Variants in KLRG1 observed in about 807,000 individuals in gnomAD.
KLRG1 encodes the protein killer cell lectin-like receptor subfamily G member 1.
KLRG1 carries 16 observed loss-of-function variants against 21.8 expected under a neutral mutation model. The ratio of observed to expected loss-of-function variants is 0.73; its 90% CI spans 0.50 to 1.11. The LOEUF is 1.11. KLRG1 is among the 50% of genes most tolerant of loss of function. The pLI is 0.00. For missense variants in KLRG1, 173 were observed against 218.3 expected (o/e 0.79, Z 1.31); for synonymous variants, 69 against 75.9 (o/e 0.91, Z 0.47).
chr12:9,005,554 C>T (rs1947447024), intron 3 of KLRG1, among the ~76,000 whole-genome samples: 1 of 152,092 alleles, frequency 6.6e-6, no homozygotes, highest in African/African-American at 2.4e-5. Context: ...GACCTCAGAA[C>T]AGACGATACA....
At chr12:9,099,017 G>A in the KLRG1 span, among the ~76,000 whole-genome samples, 4,705 of 151,988 alleles carry the variant, frequency 0.031, 115 homozygotes, top group Non-Finnish European at 0.049. Context: ...TTTGATACAC[G>A]GCAAGGTGCT....
chr12:9,017,032 A>G, the KLRG1 span, among the ~76,000 whole-genome samples: 1 of 152,084 alleles, frequency 6.6e-6, no homozygotes, highest in Non-Finnish European at 1.5e-5. Flanking sequence ...CAGGGAGGCC[A>G]AGGCGGGCAG....
At chr12:9,098,591 G>T in the KLRG1 span, 3 of 1,584,614 alleles carry the variant, frequency 1.9e-6, no homozygotes, top group Non-Finnish European at 2.6e-6. Flanking sequence ...GATTCCTGAG[G>T]CTGCCAGGAA....
chr12:9,093,641 T>G, the KLRG1 span: 2 of 807,554 alleles, frequency 2.5e-6, no homozygotes, highest in Non-Finnish European at 3.5e-6. Flanking sequence ...TGAGAGAATG[T>G]AATAGTTGCC....
At chr12:9,093,287 T>C in the KLRG1 span, among the ~76,000 whole-genome samples, 1 of 152,188 alleles carries the variant, frequency 6.6e-6, no homozygotes, top group Non-Finnish European at 1.5e-5. Flanking sequence ...CTAATGGATG[T>C]GTTAATTTGC....
At chr12:9,059,979 C>T in the KLRG1 span, among the ~76,000 whole-genome samples, 1 of 151,058 alleles carries the variant, frequency 6.6e-6, no homozygotes, top group Admixed American at 6.6e-5. Flanking sequence ...GCCACTGTGC[C>T]CAGCCAGCCC....
intron 1 of KLRG1, among the ~76,000 whole-genome samples, chr12:8,982,756 C>T (rs529773666): frequency 9.9e-5 from 15 of 151,846 alleles, no homozygotes; most frequent in Non-Finnish European, 2.1e-4. Context: ...AGCAATTCTC[C>T]TGCCTCAGCC....
the KLRG1 span, chr12:9,152,816 C>A: frequency 6.2e-7 from 1 of 1,613,714 alleles, no homozygotes; most frequent in Non-Finnish European, 8.5e-7. Context: ...TAGGTTAGAA[C>A]GTCTTACCTG....
the KLRG1 span, chr12:9,149,487 G>T: frequency 2.8e-6 from 4 of 1,415,306 alleles, no homozygotes; most frequent in Non-Finnish European, 3.9e-6. Flanking sequence ...GCCTTGTAGA[G>T]AATTTAAATT....
At chr12:9,099,371 A>C in the KLRG1 span, 1 of 1,552,676 alleles carries the variant, frequency 6.4e-7, no homozygotes, top group African/African-American at 1.4e-5. Context: ...TTATGATCTA[A>C]AACACACACC....
chr12:8,984,745 A>G (rs1018360613), upstream of KLRG1, among the ~76,000 whole-genome samples: 8 of 152,188 alleles, frequency 5.3e-5, no homozygotes, highest in Admixed American at 2.6e-4. Context: ...TCTATGTTAC[A>G]TAAGTTTCTT....
At chr12:9,007,076 G>C (rs1167635035) in intron 3 of KLRG1, among the ~76,000 whole-genome samples, 1 of 152,168 alleles carries the variant, frequency 6.6e-6, no homozygotes, top group Non-Finnish European at 1.5e-5. Flanking sequence ...TGATAAACAA[G>C]TTGTACTGAT....
At chr12:9,090,866 G>A in the KLRG1 span, among the ~76,000 whole-genome samples, 1 of 152,068 alleles carries the variant, frequency 6.6e-6, no homozygotes, top group African/African-American at 2.4e-5. Context: ...TTTAAAATTA[G>A]GTTTAATATA....
chr12:9,160,228 G>C, the KLRG1 span: 1 of 1,272,646 alleles, frequency 7.9e-7, no homozygotes, highest in South Asian at 1.4e-5. Flanking sequence ...TTATCATCAT[G>C]GGTTAATATT....
chr12:9,121,264 G>A, the KLRG1 span, among the ~76,000 whole-genome samples: 6 of 152,064 alleles, frequency 3.9e-5, no homozygotes, highest in African/African-American at 1.4e-4. This position sits in a 1 kb window ranked among gnomAD's most constrained non-coding sequence, Gnocchi z 4.4. Context: ...ATTCTAATAT[G>A]CCTCCATCAT....
the KLRG1 span, among the ~76,000 whole-genome samples, chr12:9,168,168 C>A: frequency 6.6e-6 from 1 of 152,108 alleles, no homozygotes; most frequent in Non-Finnish European, 1.5e-5. Flanking sequence ...CTTGAAGAGC[C>A]ATTAGTCAAA....
At chr12:8,955,900 G>A (rs141088945) in intron 1 of KLRG1, among the ~76,000 whole-genome samples, 39 of 152,110 alleles carry the variant, frequency 2.6e-4, no homozygotes, top group South Asian at 1.0e-3. Context: ...AGACCCAAGT[G>A]AGAACTCCCG....
At chr12:9,167,968 A>G in the KLRG1 span, among the ~76,000 whole-genome samples, 6 of 152,320 alleles carry the variant, frequency 3.9e-5, no homozygotes, top group East Asian at 1.9e-4. Flanking sequence ...AATTTGTGCT[A>G]TCATTGAAGG....
intron 1 of KLRG1, among the ~76,000 whole-genome samples, chr12:8,972,926 A>T (rs1350799090): frequency 6.6e-6 from 1 of 152,130 alleles, no homozygotes; most frequent in Non-Finnish European, 1.5e-5. Context: ...GGATCACCTG[A>T]GGTCAGGAGT....
Sources: gnomAD v4.1 joint callset for allele counts (sites outside exome capture counted in the v4.1 genomes callset) on GRCh38, gnomAD v4.1.1 for gene constraint, Gnocchi (gnomAD v3.1) non-coding constraint, MANE v1.5 for transcripts, NCBI Gene and HGNC (gene_info 2026-07-23, HGNC 2026-07-21) for gene names.